DSPP: variants seen among roughly 807,000 people sequenced by gnomAD.
DSPP encodes the protein dentin sialophosphoprotein.
In DSPP, 28 loss-of-function variants were observed where a neutral mutation model predicts 29.1. The ratio of observed to expected loss-of-function variants is 0.96; its 90% CI spans 0.71 to 1.32. DSPP has a LOEUF of 1.32. Among genes scored for constraint, DSPP ranks in the 40% most tolerant of loss-of-function variants. DSPP has a pLI of 0.00. For missense variants in DSPP, 1,281 were observed against 1,629.9 expected (o/e 0.79, Z 3.69); for synonymous variants, 481 against 503.4 (o/e 0.96, Z 0.60).
At position 87,616,611 on chromosome 4, in the gene DSPP, G is replaced by T; in HGVS notation, c.*43G>T. ...TAAGATTCCTTTTGTGAAAAGTTTG[G>T]TAATGGGATAGGAAAAAAAGATTTC... On this transcript the variant is annotated 3_prime_UTR_variant, in exon 5 of 5. Coordinates refer to ENST00000651931, the MANE Select transcript of DSPP (RefSeq NM_014208.3). 2.6e-6 allele frequency: 4 copies of T among 1,547,228 alleles called. No individual in the cohort carries two copies. The highest frequency in any genetic ancestry group is 3.5e-6 in the Non-Finnish European group (4 of 1,144,796).
At position 87,615,032 on chromosome 4, in the gene DSPP, TAGC is replaced by T; in HGVS notation, c.2373_2375del (p.Ser792del). The T allele has an allele frequency of 6.5e-7, 1 of 1,539,428 alleles. No individual in the cohort carries two copies. Among genetic ancestry groups the T allele is most frequent in the Non-Finnish European group, 8.7e-7 (1 of 1,143,356 alleles). On this transcript the variant is annotated inframe_deletion, in exon 5 of 5. Transcript: ENST00000651931. Reference sequence around the variant, plus strand: ...GCAGTGATAGCAACGACAGCAGCAATAGCAGTGACAGCAGTGATAGCAGCAACA... The same window carrying T: ...GCAGTGATAGCAACGACAGCAGCAATAGTGACAGCAGTGATAGCAGCAACA...
Position 87,614,695 on chromosome 4 carries a change from G to GCAGTAGCAGTGACAGCAT in DSPP, c.2050_2051insTCAGTAGCAGTGACAGCA (p.Ser683_Ser684insIleSerSerSerAspSer), listed in dbSNP as rs1470159577. The GCAGTAGCAGTGACAGCAT allele has an allele frequency of 5.2e-6, 8 of 1,540,450 alleles. No homozygotes were observed. In the East Asian group the frequency reaches 2.0e-4, roughly 38 times the overall value. ...GACAGCAGTGATAGCAGTGACAGCA[G>GCAGTAGCAGTGACAGCAT]CAGTAGCAGTGACAGCAGCAACAGC... On this transcript the variant is annotated inframe_insertion, in exon 5 of 5. Transcript: ENST00000651931.
chr4:87,616,253 T>C lies in DSPP; in HGVS notation c.3591T>C (p.Asp1197=), dbSNP rs114882264. 0.13 allele frequency: 159,515 copies of C among 1,209,434 alleles called. 25,398 individuals are homozygous for C. The highest frequency in any genetic ancestry group is 0.26 in the Admixed American group (10,823 of 42,276). The allele number at this position is 1,209,434 out of a possible 1,614,324, so 74.9% of individuals were successfully genotyped here. A position where few individuals can be genotyped will look rare whatever the true frequency, so the allele number is the denominator to read the frequency against. Residue 1197 remains aspartate, a synonymous_variant, in exon 5 of 5, where the codon GAT becomes GAC. Transcript: ENST00000651931. Reference sequence around the variant, plus strand: ...GCAGTGACAGCAGCGACAGCAGCGATAGCAGCGACAGCAGCGATAGTAGTG... The same window carrying C: ...GCAGTGACAGCAGCGACAGCAGCGACAGCAGCGACAGCAGCGATAGTAGTG... The part of the protein sequence containing the change: ...SDSSDSSDSS[D]SSDSSDSSDS...
At chr4:87,613,699 C>G (rs1402321539) in intron 4 of DSPP, 86 bp from the exon 5 acceptor site, 1 of 1,593,874 alleles carries the variant, frequency 6.3e-7, no homozygotes, top group Non-Finnish European at 8.6e-7. Flanking sequence ...CCTATGGCAA[C>G]TTTTCCCAGT....
chr4:87,614,579 G>A lies in DSPP; in HGVS notation c.1917G>A (p.Lys639=), dbSNP rs1293781001. ...SESDSSDSDS[K]SDSSDSNSSD... ...GCGACAGCAGTGATAGTGACAGTAA[G>A]TCAGACAGCAGTGACAGCAACAGCA... Residue 639 remains lysine, a synonymous_variant, in exon 5 of 5, where the codon AAG becomes AAA. Coordinates refer to ENST00000651931, the MANE Select transcript of DSPP (RefSeq NM_014208.3). The A allele has an allele frequency of 6.4e-7, 1 of 1,550,798 alleles. No homozygotes were observed. The highest frequency in any genetic ancestry group is 1.2e-5 in the South Asian group (1 of 84,018).
At position 87,614,347 on chromosome 4, in the gene DSPP, ATAG is replaced by A. The variant is rs762203123; in HGVS notation, c.1690_1692del (p.Ser564del). 1.8e-5 allele frequency: 29 copies of A among 1,605,398 alleles called. No individual in the cohort carries two copies. The highest frequency in any genetic ancestry group is 2.3e-5 in the East Asian group (1 of 43,920). On this transcript the variant is annotated inframe_deletion, in exon 5 of 5. Transcript: ENST00000651931. Reference sequence around the variant, plus strand: ...AGTAGTGATAGCAGCAATAGCAGTGATAGTAGTGACAGCAGTGACAGTGACAGC... The same window carrying A: ...AGTAGTGATAGCAGCAATAGCAGTGATAGTGACAGCAGTGACAGTGACAGC...
chr4:87,611,101 G>A, intron 2 of DSPP, 142 bp downstream of exon 2: 2 of 855,592 alleles, frequency 2.3e-6, no homozygotes, highest in Non-Finnish European at 3.8e-6. Context: ...GTGTATATAT[G>A]TTTCCTTAAT....
Position 87,612,504 on chromosome 4 carries a change from T to C in DSPP, c.318T>C (p.Ile106=). ...YSTLANEEGN[I]EGWNGDTGKA... is the part of the protein sequence containing the mutation. The stretch of plus-strand genomic sequence containing the variant: ...CATTAGCAAACGAAGAGGGGAATAT[T>C]GAGGGCTGGAATGGGGACACAGGAA... The change falls in exon 4 of 5, where the codon ATT becomes ATC. Residue 106 remains isoleucine, a synonymous_variant. Coordinates refer to ENST00000651931, the MANE Select transcript of DSPP (RefSeq NM_014208.3). 1 of 1,614,012 alleles carries C rather than the reference T, an allele frequency of 6.2e-7. No homozygotes were observed. Among genetic ancestry groups the C allele is most frequent in the Non-Finnish European group, 8.5e-7 (1 of 1,179,986 alleles).
chr4:87,616,205 T>TGACAGCAGC lies in DSPP; in HGVS notation c.3545_3546insCAGCAGCGA (p.Ser1229_Ser1231dup), dbSNP rs1560480922. The TGACAGCAGC allele has an allele frequency of 1.7e-6, 2 of 1,184,394 alleles. No homozygotes were observed. The highest frequency in any genetic ancestry group is 2.4e-5 in the Admixed American group (1 of 42,492). 73.4% of individuals were successfully genotyped at this position (1,184,394 alleles called of 1,614,324 possible). A position where few individuals can be genotyped will look rare whatever the true frequency, so the allele number is the denominator to read the frequency against. On this transcript the variant is annotated inframe_insertion, in exon 5 of 5. Coordinates refer to ENST00000651931, the MANE Select transcript of DSPP (RefSeq NM_014208.3). Reference sequence around the variant, plus strand: ...ATAGCAGTGACAGCAGCAATAGCAGTGATAGCAGCGACAGCAGTGATAGCA... The same window carrying TGACAGCAGC: ...ATAGCAGTGACAGCAGCAATAGCAGTGACAGCAGCGATAGCAGCGACAGCAGTGATAGCA...
intron 2 of DSPP, among the ~76,000 whole-genome samples, chr4:87,611,289 C>T (rs994446648): frequency 1.3e-5 from 2 of 152,008 alleles, no homozygotes; most frequent in African/African-American, 4.8e-5. Context: ...ACACTTAATG[C>T]CCAGAAGTCA....
rs36228864 is a variant in DSPP at position 87,612,011 on chromosome 4, T to TTG, written c.52-65_52-64dup. ...TTCTTCTTCATGGAGGGAAGAATAT[T>TTG]TGTGTGTGTGTGTGTGTGTGTGTGT... On this transcript the variant is annotated intron_variant, in intron 2 of 4. Coordinates refer to ENST00000651931, the MANE Select transcript of DSPP (RefSeq NM_014208.3). The TTG allele has an allele frequency of 0.026, 27,159 of 1,064,772 alleles. 139 individuals carry two copies. The highest frequency in any genetic ancestry group is 0.058 in the African/African-American group (3,627 of 62,008). The allele number at this position is 1,064,772 out of a possible 1,614,324, so 66.0% of individuals were successfully genotyped here.
In DSPP at chr4:87,614,243, TG is replaced by T. The variant is rs866212237; in HGVS notation, c.1583del (p.Gly528AlafsTer786). The T allele has an allele frequency of 6.2e-7, 1 of 1,614,098 alleles. No individual in the cohort carries two copies. The highest frequency in any genetic ancestry group is 1.3e-5 in the African/African-American group (1 of 74,930). Reference protein sequence around the residue: ...TSDTNNSDSNGNGNNGNDDND... With the variant: ...TSDTNNSDSNXNGNNGNDDND... The stretch of plus-strand genomic sequence containing the variant: ...CAGACACTAATAATAGTGACAGTAA[TG>T]GCAATGGTAACAATGGGAATGATGA... On this transcript the variant is annotated frameshift_variant, in exon 5 of 5. Coordinates refer to ENST00000651931, the MANE Select transcript of DSPP (RefSeq NM_014208.3). LOFTEE classifies it low-confidence loss of function (END_TRUNC).
chr4:87,613,146 C>A lies in DSPP; in HGVS notation c.960C>A (p.Asp320Glu). 6 of 1,614,128 alleles carry A rather than the reference C, an allele frequency of 3.7e-6. No individual in the cohort carries two copies. The highest frequency in any genetic ancestry group is 1.3e-5 in the African/African-American group (1 of 75,030). ...ATCCCCATAATGAAGTTGATGGAGA[C>A]AAGACCTCCAAGAGTGAGGAGAATT... ...KEDPHNEVDG[D>E]KTSKSEENSA... The change falls in exon 4 of 5, where the codon GAC (aspartate) becomes GAA (glutamate). Residue 320 changes from aspartate to glutamate, a missense_variant. Coordinates refer to ENST00000651931, the MANE Select transcript of DSPP (RefSeq NM_014208.3).
Position 87,615,918 on chromosome 4 carries a change from GATAGCAGTGACAGCAGCA to G in DSPP, c.3274_3291del (p.Asn1092_Ser1097del), listed in dbSNP as rs1249574475. Reference sequence around the variant, plus strand: ...CAGCAGTGATAGCAGTGAAAGCAGTGATAGCAGTGACAGCAGCAATAGCAGTGACAGCAGCGATAGCAG... The same window carrying G: ...CAGCAGTGATAGCAGTGAAAGCAGTGATAGCAGTGACAGCAGCGATAGCAG... On this transcript the variant is annotated inframe_deletion, in exon 5 of 5. Transcript: ENST00000651931. 253 of 1,020,522 alleles carry G rather than the reference GATAGCAGTGACAGCAGCA, an allele frequency of 2.5e-4. 55 individuals are homozygous for G. Among genetic ancestry groups the G allele is most frequent in the African/African-American group, 3.0e-5 (1 of 33,446 alleles). The allele number at this position is 1,020,522 out of a possible 1,614,324, so 63.2% of individuals were successfully genotyped here. A position where few individuals can be genotyped will look rare whatever the true frequency, so the allele number is the denominator to read the frequency against.
intron 1 of DSPP, 33 bp from the exon 2 acceptor site, chr4:87,610,843 CTTTAT>C: frequency 7.2e-7 from 1 of 1,394,770 alleles, no homozygotes; most frequent in Non-Finnish European, 1.0e-6. Flanking sequence ...TTTCCCTTTA[CTTTAT>C]AAGTAATTTT....
rs1560481035 is a variant in DSPP, at chr4:87,616,253, TAGC to T, written c.3595_3597del (p.Ser1199del). The T allele has an allele frequency of 2.5e-6, 3 of 1,209,818 alleles. No individual in the cohort carries two copies. The highest frequency in any genetic ancestry group is 1.3e-5 in the South Asian group (1 of 74,394). The allele number at this position is 1,209,818 out of a possible 1,614,324, so 74.9% of individuals were successfully genotyped here. A position where few individuals can be genotyped will look rare whatever the true frequency, so the allele number is the denominator to read the frequency against. ...GCAGTGACAGCAGCGACAGCAGCGA[TAGC>T]AGCGACAGCAGCGATAGTAGTGATA... On this transcript the variant is annotated inframe_deletion, in exon 5 of 5. Transcript: ENST00000651931.
At chr4:87,612,067 A>G in intron 2 of DSPP, 38 bp from the exon 3 acceptor site, 1 of 1,591,804 alleles carries the variant, frequency 6.3e-7, no homozygotes, top group Non-Finnish European at 8.6e-7. Flanking sequence ...ATTCACAAAT[A>G]AGAACCTTTT....
Position 87,616,715 on chromosome 4 carries a change from T to G in DSPP, c.*147T>G. 1 of 1,380,362 alleles carries G rather than the reference T, an allele frequency of 7.2e-7. No homozygotes were observed. 85.5% of individuals were successfully genotyped at this position (1,380,362 alleles called of 1,614,324 possible). Reference sequence around the variant, plus strand: ...AACTGGGGGAATCAAATCAAACAGTTGGATTCAGAACCAAGACCTAACTCC... The same window carrying G: ...AACTGGGGGAATCAAATCAAACAGTGGGATTCAGAACCAAGACCTAACTCC... On this transcript the variant is annotated 3_prime_UTR_variant, in exon 5 of 5. Coordinates refer to ENST00000651931, the MANE Select transcript of DSPP (RefSeq NM_014208.3).
At position 87,615,503 on chromosome 4, in the gene DSPP, C is replaced by G; in HGVS notation, c.2841C>G (p.Ser947Arg). The G allele has an allele frequency of 6.5e-7, 1 of 1,542,758 alleles. No individual in the cohort carries two copies. The highest frequency in any genetic ancestry group is 1.2e-5 in the South Asian group (1 of 83,518). Residue 947 changes from serine to arginine, a missense_variant, in exon 5 of 5, where the codon AGC (serine) becomes AGG (arginine). This residue lies in a region of DSPP where 444 missense variants were observed against 611.4 expected (regional missense o/e 0.73). Coordinates refer to ENST00000651931, the MANE Select transcript of DSPP (RefSeq NM_014208.3). The part of the protein sequence containing the change: ...DSSNSSDSSD[S>R]SDSSNSSDSS... ...GCAACAGCAGTGACAGCAGTGATAGCAGTGACAGCAGTAATAGTAGTGACA... is the reference window on the plus strand; with the variant it reads ...GCAACAGCAGTGACAGCAGTGATAGGAGTGACAGCAGTAATAGTAGTGACA...
Sources: allele counts gnomAD v4.1 joint callset (sites outside exome capture counted in the v4.1 genomes callset), GRCh38; gene constraint gnomAD v4.1.1; regional missense constraint gnomAD v4.1.1; transcripts MANE v1.5; gene names NCBI Gene and HGNC (gene_info 2026-07-23, HGNC 2026-07-21).